Variants in FHIT observed in about 807,000 individuals in gnomAD.
FHIT encodes the protein fragile histidine triad diadenosine triphosphatase, also known as bis(5'-adenosyl)-triphosphatase.
FHIT carries 19 observed loss-of-function variants against 17.9 expected under a neutral mutation model. The ratio of observed to expected loss-of-function variants is 1.06; its 90% confidence interval spans 0.74 to 1.56. The LOEUF is 1.56. FHIT is among the 40% of genes most tolerant of loss of function. The pLI is 0.00. For missense variants in FHIT, 248 were observed against 189.2 expected (o/e 1.31, Z -1.82); for synonymous variants, 81 against 69.7 (o/e 1.16, Z -0.81).
chr3:60,334,988 C>G (rs367619012), intron 5 of FHIT, among the ~76,000 whole-genome samples: 1 of 152,098 alleles, frequency 6.6e-6, no homozygotes, highest in South Asian at 2.1e-4. Flanking sequence ...ATGTACCCAA[C>G]AAAACTTCCT....
intron 5 of FHIT, among the ~76,000 whole-genome samples, chr3:60,382,867 A>G (rs1360482987): frequency 6.6e-6 from 1 of 152,200 alleles, no homozygotes; most frequent in East Asian, 1.9e-4. Flanking sequence ...TCAGACCTCT[A>G]TCATTAGCAA....
intron 4 of FHIT, among the ~76,000 whole-genome samples, chr3:60,698,180 A>G (rs536095794): frequency 6.6e-6 from 1 of 152,326 alleles, no homozygotes; most frequent in East Asian, 1.9e-4. Flanking sequence ...ATGACCTTTC[A>G]AATAGTGCTT....
At chr3:61,031,305 A>C (rs1451050995) in intron 3 of FHIT, among the ~76,000 whole-genome samples, 3 of 152,176 alleles carry the variant, frequency 2.0e-5, no homozygotes, top group Non-Finnish European at 4.4e-5. Context: ...CTCTATGAAT[A>C]TGCAGAGTCA....
chr3:60,189,822 C>T (rs780525107), intron 5 of FHIT, among the ~76,000 whole-genome samples: 3 of 152,132 alleles, frequency 2.0e-5, no homozygotes, highest in Admixed American at 1.3e-4. Context: ...AATTCTAAAA[C>T]ATTCTGTATT....
chr3:60,265,918 TTAA>T (rs1303485626), intron 5 of FHIT, among the ~76,000 whole-genome samples: 1 of 151,734 alleles, frequency 6.6e-6, no homozygotes, highest in Non-Finnish European at 1.5e-5. Flanking sequence ...TAAAAAAAAA[TTAA>T]TAATGATGGG....
chr3:60,088,565 C>G (rs1559621437), intron 5 of FHIT, among the ~76,000 whole-genome samples: 2 of 152,192 alleles, frequency 1.3e-5, no homozygotes, highest in Admixed American at 6.5e-5. Context: ...ACTTCTTCAG[C>G]AAGGTCTCCT....
rs59677556 is a variant in FHIT at position 60,528,574 on chromosome 3, C to G, written c.103+8286G>C. On this transcript the variant is annotated intron_variant, in intron 5 of 9. Transcript: ENST00000492590. ...GATACGAAGAAAGAGTTCTGTTGGT[C>G]TTAATTAATCAGCTAACCTACAACT... 8.2e-3 allele frequency among the ~76,000 whole-genome samples: 1,241 copies of G among 152,216 alleles called. 24 individuals carry two copies. The highest frequency in any genetic ancestry group is 0.029 in the African/African-American group (1,187 of 41,516).
At chr3:61,235,773 G>A (rs758172249) in intron 1 of FHIT, among the ~76,000 whole-genome samples, 15 of 152,202 alleles carry the variant, frequency 9.9e-5, no homozygotes, top group South Asian at 2.1e-4. Context: ...TTTACTTAGC[G>A]TTCCCTATGA....
At chr3:60,297,963 T>A (rs943927601) in intron 5 of FHIT, among the ~76,000 whole-genome samples, 4 of 152,068 alleles carry the variant, frequency 2.6e-5, no homozygotes, top group African/African-American at 7.2e-5. Flanking sequence ...CTCCTCTTCA[T>A]GTTCAAGAAA....
intron 5 of FHIT, among the ~76,000 whole-genome samples, chr3:60,260,367 G>GA: frequency 6.7e-6 from 1 of 148,276 alleles, no homozygotes; most frequent in South Asian, 2.1e-4. Flanking sequence ...AAAAAAAAAA[G>GA]AAAAAAATAG....
At chr3:59,782,339 G>A (rs926492162) in intron 8 of FHIT, among the ~76,000 whole-genome samples, 2 of 152,108 alleles carry the variant, frequency 1.3e-5, no homozygotes, top group South Asian at 4.1e-4. Flanking sequence ...CTGTAATAAA[G>A]ATAGAGTTAT....
At chr3:60,632,809 A>G (rs1457721784) in intron 4 of FHIT, among the ~76,000 whole-genome samples, 1 of 152,212 alleles carries the variant, frequency 6.6e-6, no homozygotes, top group Non-Finnish European at 1.5e-5. Context: ...TCTTTTGAGA[A>G]TGGATTTCTT....
intron 5 of FHIT, among the ~76,000 whole-genome samples, chr3:60,159,494 G>C (rs1009324961): frequency 6.6e-6 from 1 of 152,074 alleles, no homozygotes; most frequent in African/African-American, 2.4e-5. Context: ...TTTTCGTATG[G>C]TTTAAATTAA....
intron 4 of FHIT, among the ~76,000 whole-genome samples, chr3:60,757,545 C>T (rs1575486814): frequency 6.6e-6 from 1 of 152,198 alleles, no homozygotes; most frequent in Non-Finnish European, 1.5e-5. Context: ...AAGGGTGCTG[C>T]AGGCAGAGAG....
chr3:60,412,215 G>C (rs1318663921), intron 5 of FHIT, among the ~76,000 whole-genome samples: 1 of 152,000 alleles, frequency 6.6e-6, no homozygotes, highest in Non-Finnish European at 1.5e-5. Context: ...ATCTCTAAAG[G>C]TAAGTAGATA....
Position 60,032,237 on chromosome 3 carries a change from G to A in FHIT, c.104-18085C>T, listed in dbSNP as rs139871345. 4.6e-4 allele frequency among the ~76,000 whole-genome samples: 70 copies of A among 152,142 alleles called. 1 individual carries two copies. Among genetic ancestry groups the A allele is most frequent in the African/African-American group, 1.7e-3 (70 of 41,512 alleles). Reference sequence around the variant, plus strand: ...ATTAAAATCATTATTGGGTGGGAGGGTTGCTCGAGGCTAGGAGTTTCAATC... The same window carrying A: ...ATTAAAATCATTATTGGGTGGGAGGATTGCTCGAGGCTAGGAGTTTCAATC... On this transcript the variant is annotated intron_variant, in intron 5 of 9. Coordinates refer to ENST00000492590, the MANE Select transcript of FHIT (RefSeq NM_002012.4).
At chr3:60,400,800 G>A (rs1402248927) in intron 5 of FHIT, among the ~76,000 whole-genome samples, 2 of 152,140 alleles carry the variant, frequency 1.3e-5, no homozygotes, top group African/African-American at 4.8e-5. Flanking sequence ...AAATCTCAGT[G>A]CGAAATCTCA....
chr3:61,117,375 T>A (rs1020332871), intron 2 of FHIT, among the ~76,000 whole-genome samples: 1 of 152,162 alleles, frequency 6.6e-6, no homozygotes, highest in Non-Finnish European at 1.5e-5. Context: ...ATTCTTCCTA[T>A]GTTAACTAAA....
intron 5 of FHIT, among the ~76,000 whole-genome samples, chr3:60,371,486 T>C (rs1700327436): frequency 6.6e-6 from 1 of 152,106 alleles, no homozygotes; most frequent in Non-Finnish European, 1.5e-5. Flanking sequence ...GCCTCCCAAG[T>C]AGCTGAGAAT....
Sources: gnomAD v4.1 joint callset for allele counts (sites outside exome capture counted in the v4.1 genomes callset) on GRCh38, gnomAD v4.1.1 for gene constraint, MANE v1.5 for transcripts, NCBI Gene and HGNC (gene_info 2026-07-23, HGNC 2026-07-21) for gene names.